Variants in PLCZ1 observed in about 807,000 individuals in gnomAD.
PLCZ1 encodes phospholipase C zeta 1.
A neutral mutation model predicts 76.8 loss-of-function variants in PLCZ1; 64 were observed. The observed-to-expected ratio is 0.83, with a 90% CI of 0.68 to 1.03. PLCZ1 has a LOEUF of 1.03. Among genes scored for constraint, PLCZ1 ranks in the 50% least tolerant of loss-of-function variants. The probability of loss-of-function intolerance (pLI) is 0.00; values close to 1 mark genes in which losing one functional copy is unlikely to be tolerated. For synonymous variants in PLCZ1, 248 were observed against 230.8 expected (o/e 1.07, Z -0.68); for missense variants, 751 against 713.7 (o/e 1.05, Z -0.60).
At chr12:18,700,738 A>G (rs949929363) in intron 9 of PLCZ1, among the ~76,000 whole-genome samples, 8 of 152,022 alleles carry the variant, frequency 5.3e-5, no homozygotes, top group African/African-American at 1.7e-4. Flanking sequence ...CTTTTCATCT[A>G]TGTAGGCCAA....
At chr12:18,669,862 G>A in the PLCZ1 span, among the ~76,000 whole-genome samples, 1 of 152,030 alleles carries the variant, frequency 6.6e-6, no homozygotes, top group African/African-American at 2.4e-5. Context: ...GCAGAGACAG[G>A]GTTTCACCAC....
chr12:18,657,587 C>T, the PLCZ1 span, among the ~76,000 whole-genome samples: 3,522 of 152,152 alleles, frequency 0.023, 259 homozygotes, highest in East Asian at 0.18. Flanking sequence ...TAGCTGAACA[C>T]CACTAAGCTA....
At chr12:18,737,613 C>G (rs1288909951) in intron 1 of PLCZ1, 104 bp from the exon 2 acceptor site, 1 of 617,412 alleles carries the variant, frequency 1.6e-6, no homozygotes, top group African/African-American at 1.8e-5. Flanking sequence ...GGTACCTGCA[C>G]TACCCTGCCC....
chr12:18,733,009 T>G (rs1468817593), intron 3 of PLCZ1, among the ~76,000 whole-genome samples: 1 of 152,220 alleles, frequency 6.6e-6, no homozygotes, highest in Non-Finnish European at 1.5e-5. Context: ...GCAGTTCTAT[T>G]TTTAATTTTT....
chr12:18,652,945 GAGAA>G, the PLCZ1 span, among the ~76,000 whole-genome samples: 105 of 151,696 alleles, frequency 6.9e-4, no homozygotes, highest in African/African-American at 2.4e-3. Flanking sequence ...GAGAGAGAGA[GAGAA>G]AGAGAGAGAC....
intron 6 of PLCZ1, among the ~76,000 whole-genome samples, chr12:18,706,294 A>G (rs1956612423): frequency 6.6e-6 from 1 of 152,118 alleles, no homozygotes; most frequent in Non-Finnish European, 1.5e-5. Flanking sequence ...ATAGAAAGTT[A>G]TCTACGGGTT....
chr12:18,675,402 T>C, the PLCZ1 span, among the ~76,000 whole-genome samples: 2 of 152,160 alleles, frequency 1.3e-5, no homozygotes, highest in African/African-American at 4.8e-5. Context: ...TAAAAGAGAA[T>C]ATTGATACAC....
the PLCZ1 span, among the ~76,000 whole-genome samples, chr12:18,665,564 A>G: frequency 6.6e-6 from 1 of 152,282 alleles, no homozygotes; most frequent in Non-Finnish European, 1.5e-5. Flanking sequence ...AGGCCAAGGC[A>G]GGCAGATCAC....
At chr12:18,676,179 G>A in the PLCZ1 span, among the ~76,000 whole-genome samples, 1 of 151,972 alleles carries the variant, frequency 6.6e-6, no homozygotes, top group East Asian at 1.9e-4. Flanking sequence ...TGAATACATG[G>A]AACTGAAAAA....
chr12:18,709,400 T>C (rs542653117), intron 6 of PLCZ1, among the ~76,000 whole-genome samples: 2 of 152,296 alleles, frequency 1.3e-5, no homozygotes, highest in East Asian at 3.9e-4. Flanking sequence ...CACAGGACCA[T>C]GCTGTATTGA....
At chr12:18,670,249 A>C in the PLCZ1 span, among the ~76,000 whole-genome samples, 1 of 152,134 alleles carries the variant, frequency 6.6e-6, no homozygotes, top group Admixed American at 6.6e-5. Flanking sequence ...TTGTTTTATC[A>C]GATTGCTACA....
intron 10 of PLCZ1, 61 bp downstream of exon 10, chr12:18,699,733 C>T: frequency 6.8e-7 from 1 of 1,469,324 alleles, no homozygotes; most frequent in Middle Eastern, 1.8e-4. Flanking sequence ...GCAATCTTAA[C>T]ACCCTAGCAG....
At chr12:18,708,120 C>A (rs1956844203) in intron 6 of PLCZ1, among the ~76,000 whole-genome samples, 1 of 152,166 alleles carries the variant, frequency 6.6e-6, no homozygotes, top group Admixed American at 6.6e-5. Flanking sequence ...ACTTTTTCAT[C>A]CTACATATGT....
At chr12:18,726,735 T>A (rs1358005868) in intron 3 of PLCZ1, among the ~76,000 whole-genome samples, 1 of 152,196 alleles carries the variant, frequency 6.6e-6, no homozygotes. Context: ...AAACAGAATT[T>A]ACTTTTAATG....
Position 18,735,764 on chromosome 12 carries a change from T to TTA in PLCZ1, c.135+456_135+457insTA, listed in dbSNP as rs1179423490. 4 of 153,020 alleles carry TTA rather than the reference T, an allele frequency of 2.6e-5. No individual in the cohort carries two copies. In the East Asian group the frequency reaches 7.7e-4, roughly 29 times the overall value. The allele number at this position is 153,020 out of a possible 1,614,324, so 9.5% of individuals were successfully genotyped here. A position where few individuals can be genotyped will look rare whatever the true frequency, so the allele number is the denominator to read the frequency against. On this transcript the variant is annotated intron_variant, in intron 3 of 14. Coordinates refer to ENST00000266505, the MANE Select transcript of PLCZ1 (RefSeq NM_033123.4). The stretch of plus-strand genomic sequence containing the variant: ...CCTCTCTCTTTTTTCTTACTCTAAG[T>TTA]ATTTGTCAATTTTATTTAACTTTTC...
the PLCZ1 span, among the ~76,000 whole-genome samples, chr12:18,652,755 A>G: frequency 6.6e-6 from 1 of 152,152 alleles, no homozygotes; most frequent in Non-Finnish European, 1.5e-5. Flanking sequence ...TTACATGTAT[A>G]TTTTATTTGT....
intron 3 of PLCZ1, 64 bp from the exon 4 acceptor site, chr12:18,723,606 G>A: frequency 8.4e-7 from 1 of 1,189,144 alleles, no homozygotes; most frequent in Non-Finnish European, 1.2e-6. Flanking sequence ...ATGAATATTA[G>A]AGTATTTATG....
intron 12 of PLCZ1, among the ~76,000 whole-genome samples, chr12:18,689,106 A>G (rs1953655002): frequency 6.6e-6 from 1 of 152,124 alleles, no homozygotes; most frequent in South Asian, 2.1e-4. Flanking sequence ...AGCAATCAGC[A>G]TGGAATGGGC....
At chr12:18,731,319 A>T (rs921964493) in intron 3 of PLCZ1, among the ~76,000 whole-genome samples, 2 of 152,028 alleles carry the variant, frequency 1.3e-5, no homozygotes, top group Non-Finnish European at 2.9e-5. Flanking sequence ...GTTTCCTATA[A>T]TAATGATGAC....
Sources: allele counts gnomAD v4.1 joint callset (sites outside exome capture counted in the v4.1 genomes callset), GRCh38; gene constraint gnomAD v4.1.1; transcripts MANE v1.5; gene names NCBI Gene and HGNC (gene_info 2026-07-23, HGNC 2026-07-21).